CFAP206: variants seen among roughly 807,000 people sequenced by gnomAD.
CFAP206 encodes the protein cilia and flagella associated protein 206.
In CFAP206, 53 loss-of-function variants were observed where a neutral mutation model predicts 65.4. The observed-to-expected ratio is 0.81, with a 90% CI of 0.65 to 1.02. CFAP206 has a LOEUF of 1.02. Among genes scored for constraint, CFAP206 ranks in the 50% least tolerant of loss-of-function variants. The probability of loss-of-function intolerance (pLI) is 0.00; values close to 1 mark genes in which losing one functional copy is unlikely to be tolerated. For missense variants in CFAP206, 663 were observed against 753.2 expected, an observed-to-expected ratio of 0.88 and a Z score of 1.40; for synonymous variants, 250 against 254.4, an observed-to-expected ratio of 0.98 and a Z score of 0.17.
chr6:87,460,919 T>A, intron 11 of CFAP206, 103 bp from the exon 12 acceptor site: 1 of 946,950 alleles, frequency 1.1e-6, no homozygotes, highest in South Asian at 1.9e-5. Flanking sequence ...GTCCAAAAAT[T>A]ATTGTTTTTT....
intron 12 of CFAP206, among the ~76,000 whole-genome samples, chr6:87,462,036 G>C (rs1174997246): frequency 6.6e-6 from 1 of 152,178 alleles, no homozygotes; most frequent in Non-Finnish European, 1.5e-5. Context: ...AGCATATCTA[G>C]GTTTCTCTGG....
In CFAP206 at chr6:87,415,810, C is replaced by G. The variant is rs751655724; in HGVS notation, c.408C>G (p.Ser136Arg). The stretch of plus-strand genomic sequence containing the variant: ...AAAGCCTCTACCGGAAGATTATCAG[C>G]TATGTGTTACTCCGCTCTGGCCTTG... ...ELESLYRKII[S>R]YVLLRSGLGS... Residue 136 changes from serine to arginine, a missense_variant, in exon 5 of 13, where the codon AGC becomes AGG. Ser to Arg is a moderately radical substitution (Grantham distance 110, BLOSUM62 -1). Transcript: ENST00000369562. The G allele has an allele frequency of 1.2e-6, 2 of 1,613,316 alleles. No homozygotes were observed. The highest frequency in any genetic ancestry group is 2.2e-5 in the South Asian group (2 of 90,886).
intron 8 of CFAP206, 126 bp downstream of exon 8, chr6:87,426,771 G>A (rs1400844760): frequency 1.3e-6 from 1 of 760,950 alleles, no homozygotes; most frequent in East Asian, 4.0e-5. Flanking sequence ...AATTGATCCT[G>A]TTCTTTATGG....
chr6:87,444,895 C>T (rs1181449444), intron 11 of CFAP206: 3 of 542,454 alleles, frequency 5.5e-6, no homozygotes, highest in Non-Finnish European at 1.1e-5. Flanking sequence ...GTGTGAAAAG[C>T]GCTTGTAAGG....
At chr6:87,458,901 G>C (rs1258479138) in intron 11 of CFAP206, among the ~76,000 whole-genome samples, 1 of 150,562 alleles carries the variant, frequency 6.6e-6, no homozygotes, top group Non-Finnish European at 1.5e-5. Context: ...TTGTATGCCT[G>C]TATCAAAATC....
chr6:87,408,282 AC>A (rs1767660899), intron 1 of CFAP206, among the ~76,000 whole-genome samples, 193 bp downstream of exon 1: 1 of 152,124 alleles, frequency 6.6e-6, no homozygotes, highest in South Asian at 2.1e-4. Flanking sequence ...CGGAGGCGCC[AC>A]CCCAGGGCTG....
chr6:87,463,741 T>G (rs1434835397), intron 12 of CFAP206, among the ~76,000 whole-genome samples: 2 of 152,190 alleles, frequency 1.3e-5, no homozygotes, highest in Non-Finnish European at 2.9e-5. Flanking sequence ...TAGATTATAT[T>G]AATAAATAAC....
At chr6:87,424,423 C>T (rs1169518285) in intron 7 of CFAP206, among the ~76,000 whole-genome samples, 2 of 151,972 alleles carry the variant, frequency 1.3e-5, no homozygotes, top group Admixed American at 6.6e-5. Flanking sequence ...GGGACATAGG[C>T]AGGTGCCACC....
chr6:87,410,202 G>T (rs936438293), intron 2 of CFAP206, among the ~76,000 whole-genome samples: 2 of 152,186 alleles, frequency 1.3e-5, no homozygotes, highest in African/African-American at 4.8e-5. Flanking sequence ...GGAATTTTTT[G>T]ACGTGTATTT....
At chr6:87,422,712 C>G (rs993472467) in intron 7 of CFAP206, among the ~76,000 whole-genome samples, 1 of 150,338 alleles carries the variant, frequency 6.7e-6, no homozygotes, top group African/African-American at 2.5e-5. Context: ...GATTGCACCA[C>G]TGCACTCTAG....
chr6:87,418,554 G>T (rs1238954278), intron 7 of CFAP206, 138 bp downstream of exon 7: 1 of 666,120 alleles, frequency 1.5e-6, no homozygotes. Context: ...GGTAGAGTTA[G>T]GAATCAAAAT....
chr6:87,418,395 G>A lies in CFAP206; in HGVS notation c.819G>A (p.Glu273=), dbSNP rs1259025975. ...CGCTATATAATATACGACAATATGA[G>A]GTCTTCCTTCAGATCATTTTGGTGA... ...KEALYNIRQY[E]VFLQIILSDI... is the part of the protein sequence containing the mutation. Residue 273 remains glutamate (E), a synonymous_variant, in exon 7 of 13, where the codon GAG becomes GAA. Coordinates refer to ENST00000369562, the MANE Select transcript of CFAP206 (RefSeq NM_001031743.3). 1.9e-6 allele frequency: 3 copies of A among 1,613,832 alleles called. No individual in the cohort carries two copies. Among genetic ancestry groups the A allele is most frequent in the Non-Finnish European group, 2.5e-6 (3 of 1,179,984 alleles).
At chr6:87,409,751 A>ATTG in intron 1 of CFAP206, 84 bp from the exon 2 acceptor site, 1 of 835,844 alleles carries the variant, frequency 1.2e-6, no homozygotes. Context: ...GTTTACAAAT[A>ATTG]CAATATTGCA....
In CFAP206 at chr6:87,431,062, A is replaced by G. The variant is rs1002168080; in HGVS notation, c.1189A>G (p.Lys397Glu). ...TAGAGTAAATGTGGCAGATTTCAGA[A>G]AACTAGAATGGCTTTTCCCAGAAAC... ...EDRVNVADFR[K>E]LEWLFPETTA... The change falls in exon 10 of 13, where the codon AAA (lysine) becomes GAA (glutamate). Residue 397 changes from lysine (K) to glutamate (E), a missense_variant. Physicochemically the swap from Lys to Glu is moderately conservative, Grantham distance 56 (BLOSUM62 1). Transcript: ENST00000369562. The G allele has an allele frequency of 2.5e-6, 4 of 1,614,044 alleles. No homozygotes were observed. Among genetic ancestry groups the G allele is most frequent in the Non-Finnish European group, 3.4e-6 (4 of 1,179,922 alleles).
intron 11 of CFAP206, among the ~76,000 whole-genome samples, chr6:87,451,624 T>C (rs1409853172): frequency 6.6e-6 from 1 of 151,406 alleles, no homozygotes; most frequent in African/African-American, 2.4e-5. Context: ...GGAGAGACTC[T>C]TTCTGCTTGA....
chr6:87,413,214 G>C (rs1423119143), intron 3 of CFAP206, among the ~76,000 whole-genome samples: 1 of 152,162 alleles, frequency 6.6e-6, no homozygotes, highest in East Asian at 1.9e-4. Context: ...TAAAGATATG[G>C]AATCAACCTA....
At chr6:87,438,827 A>C (rs942745096) in intron 11 of CFAP206, among the ~76,000 whole-genome samples, 1 of 152,186 alleles carries the variant, frequency 6.6e-6, no homozygotes, top group African/African-American at 2.4e-5. Context: ...TCATGTAGTA[A>C]GCCAGTTTTC....
At chr6:87,411,501 A>G (rs35255898) in intron 3 of CFAP206, among the ~76,000 whole-genome samples, 5,433 of 139,752 alleles carry the variant, frequency 0.039, 115 homozygotes, top group Middle Eastern at 0.081. Context: ...TCTGTTGATT[A>G]TTCATTTTGA....
chr6:87,409,015 T>C (rs914505833), intron 1 of CFAP206, among the ~76,000 whole-genome samples: 2 of 135,258 alleles, frequency 1.5e-5, no homozygotes, highest in African/African-American at 5.8e-5. Flanking sequence ...TTCCTTATAG[T>C]AAATGCTTTT....
Sources: allele counts gnomAD v4.1 joint callset (sites outside exome capture counted in the v4.1 genomes callset), GRCh38; gene constraint gnomAD v4.1.1; transcripts MANE v1.5; gene names NCBI Gene and HGNC (gene_info 2026-07-23, HGNC 2026-07-21).